UGT1A3: variants seen among roughly 807,000 people sequenced by gnomAD.
UGT1A3 encodes UDP glucuronosyltransferase family 1 member A3, also known as UDP-glucuronosyltransferase 1A3.
In UGT1A3, 31 loss-of-function variants were observed where a neutral mutation model predicts 41.0. The observed-to-expected ratio is 0.76, with a 90% CI of 0.57 to 1.02. UGT1A3 has a LOEUF of 1.02. Ranked by LOEUF, UGT1A3 falls within the 50% of genes least tolerant of loss-of-function variation. The pLI, the probability that UGT1A3 is intolerant of heterozygous loss-of-function variation, is 0.00. For synonymous variants in UGT1A3, 262 were observed against 257.6 expected (o/e 1.02, Z -0.17); for missense variants, 737 against 671.0 (o/e 1.10, Z -1.09).
Position 233,748,426 on chromosome 2 carries a change from G to A in UGT1A3, c.867+18433G>A, listed in dbSNP as rs1479085626. Among the ~76,000 whole-genome samples the A allele has an allele frequency of 3.3e-5, 5 of 151,758 alleles. 1 individual carries two copies. The highest frequency in any genetic ancestry group is 7.3e-5 in the African/African-American group (3 of 41,072). ...CACTACATTGAGACTTGACCCATCTGGATTTTTTGTTTGCACAATTTTCAG... is the reference window on the plus strand; with the variant it reads ...CACTACATTGAGACTTGACCCATCTAGATTTTTTGTTTGCACAATTTTCAG... On this transcript the variant is annotated intron_variant, in intron 1 of 4. Transcript: ENST00000482026.
At chr2:233,742,142 G>A (rs868040003) in intron 1 of UGT1A3, among the ~76,000 whole-genome samples, 9 of 151,998 alleles carry the variant, frequency 5.9e-5, no homozygotes, top group South Asian at 2.1e-4. Flanking sequence ...ACCCAGCAGC[G>A]CTAGACGAAT....
intron 1 of UGT1A3, chr2:233,738,809 G>T (rs149365680): frequency 6.6e-6 from 1 of 152,200 alleles, no homozygotes; most frequent in Non-Finnish European, 1.5e-5. Context: ...ACTAGCTAAA[G>T]AAATTTGAAT....
In UGT1A3 at chr2:233,769,767, A is replaced by G. The variant is rs1575845901; in HGVS notation, c.1307+1328A>G. 7.3e-7 allele frequency: 1 copy of G among 1,374,516 alleles called. No individual in the cohort carries two copies. The highest frequency in any genetic ancestry group is 9.5e-7 in the Non-Finnish European group (1 of 1,054,324). 85.1% of individuals were successfully genotyped at this position (1,374,516 alleles called of 1,614,324 possible). On this transcript the variant is annotated intron_variant, in intron 4 of 4. Coordinates refer to ENST00000482026, the MANE Select transcript of UGT1A3 (RefSeq NM_019093.4). The surrounding 1 kb of genome is among the most constrained non-coding windows in gnomAD (Gnocchi z 4.4). ...CCACTCTGGAGGCTAAGGCGGGAGG[A>G]TTGCTTGAGCCCAGAAGTTGGAGGC...
chr2:233,737,523 G>A (rs890594707), intron 1 of UGT1A3, among the ~76,000 whole-genome samples: 3 of 152,158 alleles, frequency 2.0e-5, no homozygotes, highest in Non-Finnish European at 4.4e-5. Context: ...TAGGTGAGGC[G>A]ACGCCCTGCC....
rs1319041279 is a variant in UGT1A3 at position 233,750,932 on chromosome 2, G to C, written c.868-16102G>C. Among the ~76,000 whole-genome samples the C allele has an allele frequency of 2.6e-5, 4 of 151,980 alleles. No homozygotes were observed. The East Asian group carries it at 7.7e-4, about 29-fold the overall frequency. ...AAGGGTGGTAAAGAAATGTGAGGTT[G>C]GAGCCCCCACACAGAGTCTCCACTG... On this transcript the variant is annotated intron_variant, in intron 1 of 4. Coordinates refer to ENST00000482026, the MANE Select transcript of UGT1A3 (RefSeq NM_019093.4).
chr2:233,743,990 C>T (rs541433916), intron 1 of UGT1A3: 26 of 1,267,206 alleles, frequency 2.1e-5, no homozygotes, highest in Admixed American at 2.4e-5. Context: ...GGCGCAGGCC[C>T]GAGTGCTCGG....
rs35003977 is a variant in UGT1A3, at chr2:233,760,961, T to G, written c.868-6073T>G. 783 of 1,614,200 alleles carry G rather than the reference T, an allele frequency of 4.9e-4. 4 individuals are homozygous for G. The highest frequency in any genetic ancestry group is 3.5e-3 in the Middle Eastern group (21 of 6,062). On this transcript the variant is annotated intron_variant, in intron 1 of 4. Coordinates refer to ENST00000482026, the MANE Select transcript of UGT1A3 (RefSeq NM_019093.4). ...TTTTCACAGAACTTTCTGTGCGACG[T>G]GGTTTATTCCCCGTATGCAACCCTT...
chr2:233,736,227 C>T (rs757902126), intron 1 of UGT1A3, among the ~76,000 whole-genome samples: 1 of 152,164 alleles, frequency 6.6e-6, no homozygotes, highest in Non-Finnish European at 1.5e-5. Flanking sequence ...TCTTTTTTCT[C>T]TAACCTTGTC....
Position 233,769,698 on chromosome 2 carries a change from G to A in UGT1A3, c.1307+1259G>A. The A allele has an allele frequency of 6.5e-7, 1 of 1,529,982 alleles. No individual in the cohort carries two copies. Among genetic ancestry groups the A allele is most frequent in the Non-Finnish European group, 8.8e-7 (1 of 1,137,522 alleles). 94.8% of individuals were successfully genotyped at this position (1,529,982 alleles called of 1,614,324 possible). On this transcript the variant is annotated intron_variant, in intron 4 of 4. Coordinates refer to ENST00000482026, the MANE Select transcript of UGT1A3 (RefSeq NM_019093.4). The surrounding 1 kb of genome is among the most constrained non-coding windows in gnomAD (Gnocchi z 4.4). ...GTGTGTGTGGTGGCACTGGATAAAAGATCAATGTTGGCTAGGCACCATGGC... is the reference window on the plus strand; with the variant it reads ...GTGTGTGTGGTGGCACTGGATAAAAAATCAATGTTGGCTAGGCACCATGGC...
rs543664272 is a variant in UGT1A3 at position 233,740,192 on chromosome 2, C to A, written c.867+10199C>A. Among the ~76,000 whole-genome samples, 491 of 151,932 alleles carry A rather than the reference C, an allele frequency of 3.2e-3. 4 individuals are homozygous for A. The highest frequency in any genetic ancestry group is 5.8e-3 in the Non-Finnish European group (395 of 68,032). On this transcript the variant is annotated intron_variant, in intron 1 of 4. Transcript: ENST00000482026. ...AACTGTGAGTCAATTAAACCTCTTT[C>A]TTTTATAAATTACCCAGTCTCAGCT...
At chr2:233,763,415 C>T (rs1277371697) in intron 1 of UGT1A3, among the ~76,000 whole-genome samples, 1 of 152,156 alleles carries the variant, frequency 6.6e-6, no homozygotes, top group Non-Finnish European at 1.5e-5. Flanking sequence ...ATTTTTAATC[C>T]AGTCAGGCAG....
At chr2:233,747,007 G>C (rs1207556963) in intron 1 of UGT1A3, among the ~76,000 whole-genome samples, 1 of 151,856 alleles carries the variant, frequency 6.6e-6, no homozygotes, top group South Asian at 2.1e-4. Context: ...TTTCAAGTAG[G>C]AGTGATCGGT....
intron 1 of UGT1A3, among the ~76,000 whole-genome samples, chr2:233,758,476 T>C (rs926458629): frequency 1.3e-5 from 2 of 152,218 alleles, no homozygotes; most frequent in Non-Finnish European, 2.9e-5. Context: ...AGGTTTAAAT[T>C]AAACTGTGAA....
chr2:233,732,311 T>A (rs1163118726), intron 1 of UGT1A3, among the ~76,000 whole-genome samples: 3 of 152,222 alleles, frequency 2.0e-5, no homozygotes, highest in Admixed American at 6.5e-5. Flanking sequence ...CCCATTTGTC[T>A]ATTTTGGCTT....
chr2:233,770,282 A>G (rs1416601751), intron 4 of UGT1A3: 1 of 152,218 alleles, frequency 6.6e-6, no homozygotes, highest in Admixed American at 6.5e-5. Context: ...CAAAATAAAA[A>G]GAAGTGGAAA....
chr2:233,754,940 G>C (rs777236330), intron 1 of UGT1A3: 1 of 1,335,680 alleles, frequency 7.5e-7, no homozygotes, highest in Admixed American at 1.9e-5. Flanking sequence ...GGTCAAAGGA[G>C]AATGGGTCCC....
At position 233,747,852 on chromosome 2, in the gene UGT1A3, A is replaced by G. The variant is rs1025681492; in HGVS notation, c.867+17859A>G. The G allele has an allele frequency of 1.3e-5, 21 of 1,613,396 alleles. 1 individual carries two copies. The African/African-American group carries it at 1.9e-4, about 14-fold the overall frequency. On this transcript the variant is annotated intron_variant, in intron 1 of 4. Coordinates refer to ENST00000482026, the MANE Select transcript of UGT1A3 (RefSeq NM_019093.4). ...GACATTCCTGCAAAGGGTCAAGAAC[A>G]TGCTCTACCCTCTGGCCCTGTCCTA...
chr2:233,751,938 T>C (rs1430674262), intron 1 of UGT1A3, among the ~76,000 whole-genome samples: 3 of 152,190 alleles, frequency 2.0e-5, no homozygotes, highest in South Asian at 2.1e-4. Flanking sequence ...ATTGAAGTTA[T>C]ACTGAAAGGG....
At chr2:233,736,991 G>A (rs1181891962) in intron 1 of UGT1A3, among the ~76,000 whole-genome samples, 1 of 152,206 alleles carries the variant, frequency 6.6e-6, no homozygotes, top group Non-Finnish European at 1.5e-5. Flanking sequence ...GATACACAGA[G>A]GTCAGGGACC....
Sources: gnomAD v4.1 joint callset for allele counts (sites outside exome capture counted in the v4.1 genomes callset) on GRCh38, gnomAD v4.1.1 for gene constraint, Gnocchi (gnomAD v3.1) non-coding constraint, MANE v1.5 for transcripts, NCBI Gene and HGNC (gene_info 2026-07-23, HGNC 2026-07-21) for gene names.